Variants in NTM observed in about 807,000 individuals in gnomAD.
NTM encodes neurotrimin, also known as IgLON family member 2.
In NTM, 13 loss-of-function variants were observed where a neutral mutation model predicts 42.1. That is an observed-to-expected ratio of 0.31 (90% CI 0.20 to 0.49). NTM has a LOEUF of 0.49. NTM is among the 20% of genes least tolerant of loss of function. The pLI, the probability that NTM is intolerant of heterozygous loss-of-function variation, is 0.99. For synonymous variants in NTM, 187 were observed against 179.2 expected (o/e 1.04, Z -0.35); for missense variants, 373 against 452.8 (o/e 0.82, Z 1.60).
chr11:131,629,240 AT>A (rs34086689), intron 1 of NTM, among the ~76,000 whole-genome samples: 7,016 of 151,026 alleles, frequency 0.046, 198 homozygotes, highest in African/African-American at 0.056. Flanking sequence ...TACATTAAAG[AT>A]TTTTTTTTTC....
At chr11:131,888,802 C>T (rs376903407) in intron 1 of NTM, among the ~76,000 whole-genome samples, 5 of 152,152 alleles carry the variant, frequency 3.3e-5, no homozygotes, top group African/African-American at 1.2e-4. Context: ...TTTTTCCAGC[C>T]TGTGGGGTAG....
intron 2 of NTM, among the ~76,000 whole-genome samples, chr11:132,016,638 T>C (rs2073464071): frequency 6.6e-6 from 1 of 152,044 alleles, no homozygotes; most frequent in Admixed American, 6.6e-5. Context: ...ACGTATGTTT[T>C]CATTTACATT....
At chr11:131,930,465 C>T (rs911218097) in intron 2 of NTM, among the ~76,000 whole-genome samples, 8 of 152,018 alleles carry the variant, frequency 5.3e-5, no homozygotes, top group Non-Finnish European at 1.0e-4. Context: ...TACAGGGAGC[C>T]GAATGCATAT....
At position 131,770,644 on chromosome 11, in the gene NTM, C is replaced by T. The variant is rs574501413; in HGVS notation, c.83-140920C>T. ...CTGTTGATGAAGATGATAGCTCCCACGTGCAGAAATCCCTAAATTCTGAGC... is the reference window on the plus strand; with the variant it reads ...CTGTTGATGAAGATGATAGCTCCCATGTGCAGAAATCCCTAAATTCTGAGC... On this transcript the variant is annotated intron_variant, in intron 1 of 8. Transcript: ENST00000683400. Among the ~76,000 whole-genome samples, 39 of 152,298 alleles carry T rather than the reference C, an allele frequency of 2.6e-4. 1 individual carries two copies. Among genetic ancestry groups the T allele is most frequent in the Middle Eastern group, 3.4e-3 (1 of 294 alleles).
At chr11:131,725,507 T>A (rs187332160) in intron 1 of NTM, among the ~76,000 whole-genome samples, 188 of 152,122 alleles carry the variant, frequency 1.2e-3, no homozygotes, top group Non-Finnish European at 1.6e-3. Context: ...GAATGAGCCA[T>A]GTCGACATCT....
chr11:132,263,724 C>T (rs543529333), intron 4 of NTM, among the ~76,000 whole-genome samples: 112 of 152,262 alleles, frequency 7.4e-4, no homozygotes, highest in Non-Finnish European at 1.4e-3. Context: ...GCTAAATATC[C>T]AGTTTCATCC....
At chr11:132,212,371 G>C (rs568183823) in intron 4 of NTM, among the ~76,000 whole-genome samples, 2 of 152,098 alleles carry the variant, frequency 1.3e-5, no homozygotes, top group African/African-American at 4.8e-5. Flanking sequence ...CCAGTCCCTT[G>C]GAAATTAATC....
intron 1 of NTM, among the ~76,000 whole-genome samples, chr11:131,516,550 C>G (rs2048918463): frequency 6.6e-6 from 1 of 152,026 alleles, no homozygotes; most frequent in Admixed American, 6.6e-5. Context: ...GCTAATTTAT[C>G]TAGCAGAGAC....
chr11:131,724,468 A>G (rs140799494), intron 1 of NTM, among the ~76,000 whole-genome samples: 3 of 152,254 alleles, frequency 2.0e-5, no homozygotes, highest in Non-Finnish European at 4.4e-5. Flanking sequence ...CATTTCTTTA[A>G]AGAACACAAT....
intron 1 of NTM, among the ~76,000 whole-genome samples, chr11:131,589,921 T>C (rs2059219792): frequency 6.6e-6 from 1 of 152,162 alleles, no homozygotes; most frequent in Non-Finnish European, 1.5e-5. Context: ...GAATATTTCT[T>C]CTGCGCTAAA....
intron 1 of NTM, among the ~76,000 whole-genome samples, chr11:131,496,312 T>A: frequency 6.6e-6 from 1 of 152,182 alleles, no homozygotes; most frequent in East Asian, 1.9e-4. Context: ...CAGCTGGAGT[T>A]CAGCCCCATG....
At chr11:131,808,700 G>T (rs2092618819) in intron 1 of NTM, among the ~76,000 whole-genome samples, 1 of 152,128 alleles carries the variant, frequency 6.6e-6, no homozygotes, top group East Asian at 1.9e-4. Flanking sequence ...AGTGCTCCTA[G>T]CTGTGGGAGA....
chr11:131,694,160 G>A (rs2075141019), intron 1 of NTM, among the ~76,000 whole-genome samples: 1 of 152,174 alleles, frequency 6.6e-6, no homozygotes, highest in Non-Finnish European at 1.5e-5. Context: ...ACATCATATA[G>A]AGGCCTATTC....
At chr11:132,205,332 G>A (rs200010532) in intron 3 of NTM, among the ~76,000 whole-genome samples, 1 of 152,274 alleles carries the variant, frequency 6.6e-6, no homozygotes, top group East Asian at 1.9e-4. Flanking sequence ...TCCACTGTGT[G>A]CTAAAAACAG....
chr11:131,848,374 A>T (rs577707546), intron 1 of NTM, among the ~76,000 whole-genome samples: 1 of 152,252 alleles, frequency 6.6e-6, no homozygotes, highest in Non-Finnish European at 1.5e-5. Context: ...TTCTCATCTG[A>T]TAAGGTTAAA....
chr11:132,045,268 C>A (rs1729428416), intron 2 of NTM, among the ~76,000 whole-genome samples: 1 of 151,926 alleles, frequency 6.6e-6, no homozygotes, highest in African/African-American at 2.4e-5. Context: ...GAGGCAACTG[C>A]CATTTAAAGG....
chr11:131,391,341 C>T (rs1230497213), intron 1 of NTM, among the ~76,000 whole-genome samples: 9 of 152,084 alleles, frequency 5.9e-5, no homozygotes, highest in African/African-American at 2.2e-4. Flanking sequence ...CTGGCAGGGC[C>T]CCAGCTCTCC....
intron 1 of NTM, among the ~76,000 whole-genome samples, chr11:131,372,571 A>G (rs1406424316): frequency 6.6e-6 from 1 of 151,662 alleles, no homozygotes; most frequent in Non-Finnish European, 1.5e-5. Context: ...TTGACAGCAA[A>G]AATGAAAACT....
intron 2 of NTM, among the ~76,000 whole-genome samples, chr11:131,936,405 T>G (rs377456782): frequency 4.9e-4 from 75 of 152,266 alleles, no homozygotes; most frequent in African/African-American, 1.7e-3. Flanking sequence ...TTATCAAGCC[T>G]TGGGCATCAC....
Sources: gnomAD v4.1 joint callset for allele counts (sites outside exome capture counted in the v4.1 genomes callset) on GRCh38, gnomAD v4.1.1 for gene constraint, MANE v1.5 for transcripts, NCBI Gene and HGNC (gene_info 2026-07-23, HGNC 2026-07-21) for gene names.